The following DPF2 variants were observed in gnomAD, a reference collection of about 807,000 sequenced individuals.
DPF2 encodes the protein double PHD fingers 2.
Under a neutral mutation model 59.6 loss-of-function variants are expected in DPF2, and 10 were observed. That is an observed-to-expected ratio of 0.17 (90% CI 0.10 to 0.28). The LOEUF (loss-of-function observed/expected upper bound fraction) is 0.28, where lower values mean the gene tolerates loss of function less well. Ranked by LOEUF, DPF2 falls within the 10% of genes least tolerant of loss-of-function variation. The pLI is 1.00. For missense variants in DPF2, 315 were observed against 509.4 expected, an observed-to-expected ratio of 0.62 and a Z score of 3.67; for synonymous variants, 189 against 190.6, an observed-to-expected ratio of 0.99 and a Z score of 0.07.
At chr11:65,344,230 G>C in intron 6 of DPF2, 161 bp downstream of exon 6, 1 of 718,484 alleles carries the variant, frequency 1.4e-6, no homozygotes, top group Non-Finnish European at 2.4e-6. Flanking sequence ...TGGGAGGCCT[G>C]GGTCCCTGCT....
chr11:65,334,208 C>T (rs1213379200), intron 1 of DPF2, among the ~76,000 whole-genome samples: 1 of 152,220 alleles, frequency 6.6e-6, no homozygotes, highest in African/African-American at 2.4e-5. Context: ...TGGCGCCCTG[C>T]CTGCACGCGA....
intron 1 of DPF2, among the ~76,000 whole-genome samples, chr11:65,334,627 G>A (rs139908268): frequency 2.0e-4 from 31 of 152,314 alleles, no homozygotes; most frequent in Non-Finnish European, 3.7e-4. Context: ...CGATACCATT[G>A]TGCTGGTCAG....
At chr11:65,349,916 T>C (rs977779070) in intron 10 of DPF2, among the ~76,000 whole-genome samples, 2 of 152,098 alleles carry the variant, frequency 1.3e-5, no homozygotes, top group Admixed American at 6.6e-5. Context: ...AAGTGTTTCA[T>C]TGTGTGATGT....
chr11:65,352,008 T>C lies in DPF2; in HGVS notation c.*249T>C. 1.8e-6 allele frequency: 1 copy of C among 548,268 alleles called. No homozygotes were observed. 34.0% of individuals were successfully genotyped at this position (548,268 alleles called of 1,614,324 possible). On this transcript the variant is annotated 3_prime_UTR_variant, in exon 11 of 11. Transcript: ENST00000528416. Reference sequence around the variant, plus strand: ...TGCGTGTGGCCCAGTTTCTCTCTGCTCTCCATTAAGTGCATTCACTCTGCT... The same window carrying C: ...TGCGTGTGGCCCAGTTTCTCTCTGCCCTCCATTAAGTGCATTCACTCTGCT...
intron 10 of DPF2, 46 bp from the exon 11 acceptor site, chr11:65,351,636 TG>T: frequency 6.5e-7 from 1 of 1,541,508 alleles, no homozygotes; most frequent in Non-Finnish European, 9.0e-7. Context: ...TGCAAGCAGG[TG>T]GGGATTGTGT....
In DPF2 at chr11:65,351,758, G is replaced by C; in HGVS notation, c.1175G>C (p.Ter392SerextTer11). The C allele has an allele frequency of 2.5e-6, 4 of 1,612,896 alleles. No homozygotes were observed. Among genetic ancestry groups the C allele is most frequent in the Non-Finnish European group, 3.4e-6 (4 of 1,180,022 alleles). Residue 392 changes from the stop codon to serine, a stop_lost, in exon 11 of 11, where the codon TGA (stop) becomes TCA (serine). Coordinates refer to ENST00000528416, the MANE Select transcript of DPF2 (RefSeq NM_006268.5). ...ASIYQNQNSS[*>S] is the part of the protein sequence containing the mutation. Reference sequence around the variant, plus strand: ...ATCTACCAGAACCAGAACTCCTCTTGATGTGGCCACCCACCTGCTCCCCGA... The same window carrying C: ...ATCTACCAGAACCAGAACTCCTCTTCATGTGGCCACCCACCTGCTCCCCGA...
chr11:65,350,287 T>C (rs1456607010), intron 10 of DPF2, among the ~76,000 whole-genome samples: 1 of 152,080 alleles, frequency 6.6e-6, no homozygotes, highest in Non-Finnish European at 1.5e-5. Flanking sequence ...AGCTAAAACC[T>C]ATGGACCACA....
At chr11:65,336,658 G>A (rs967795421) in intron 1 of DPF2, among the ~76,000 whole-genome samples, 1 of 151,154 alleles carries the variant, frequency 6.6e-6, no homozygotes, top group Non-Finnish European at 1.5e-5. Flanking sequence ...GCATGGTGGC[G>A]TGTGTCTGTA....
rs758588913 is a variant in DPF2, at chr11:65,340,413, A to G, written c.61A>G (p.Met21Val). ...TGGGGAGCAGTACTACAAAGATGCCATGGAGCAGTGCCACAATTACAATGC... is the reference window on the plus strand; with the variant it reads ...TGGGGAGCAGTACTACAAAGATGCCGTGGAGCAGTGCCACAATTACAATGC... ...LLGEQYYKDA[M>V]EQCHNYNARL... Residue 21 changes from methionine (M) to valine (V), a missense_variant, in exon 2 of 11, where the codon ATG becomes GTG. Met to Val is a conservative substitution (Grantham distance 21). Coordinates refer to ENST00000528416, the MANE Select transcript of DPF2 (RefSeq NM_006268.5). 6.2e-7 allele frequency: 1 copy of G among 1,614,112 alleles called. No individual in the cohort carries two copies. The highest frequency in any genetic ancestry group is 1.3e-5 in the African/African-American group (1 of 74,942).
intron 1 of DPF2, among the ~76,000 whole-genome samples, chr11:65,337,502 T>TAGAGAGAGAG (rs1371740234): frequency 3.6e-4 from 12 of 33,104 alleles, no homozygotes; most frequent in Non-Finnish European, 5.7e-4. Flanking sequence ...TATATATATA[T>TAGAGAGAGAG]ATAGAGAGAG....
At chr11:65,336,930 A>G (rs1854172076) in intron 1 of DPF2, among the ~76,000 whole-genome samples, 1 of 151,666 alleles carries the variant, frequency 6.6e-6, no homozygotes, top group Admixed American at 6.6e-5. Context: ...TCTAGTAAAA[A>G]TACAAAAATT....
chr11:65,335,774 A>G (rs1950086905), intron 1 of DPF2, among the ~76,000 whole-genome samples: 1 of 151,968 alleles, frequency 6.6e-6, no homozygotes, highest in African/African-American at 2.4e-5. Context: ...GATGTTATAC[A>G]TTGAGTACAT....
intron 9 of DPF2, 42 bp from the exon 10 acceptor site, chr11:65,348,808 C>G (rs376807610): frequency 1.2e-6 from 2 of 1,602,180 alleles, no homozygotes; most frequent in Non-Finnish European, 1.7e-6. Flanking sequence ...TGAGGCACAT[C>G]AGTTATTCAG....
chr11:65,345,955 C>T lies in DPF2; in HGVS notation c.801C>T (p.Ala267=), dbSNP rs924546294. The change falls in exon 8 of 11, where the codon GCC becomes GCT. Residue 267 remains alanine (A), a synonymous_variant. Transcript: ENST00000528416. The part of the protein sequence containing the change: ...QKSKKGPDGL[A]LPNNYCDFCL... ...CCAAAAAGGGTCCTGATGGATTGGC[C>T]TTGCCCAACAACTACTGTGACTTCT... 3.1e-5 allele frequency: 50 copies of T among 1,614,060 alleles called. No individual in the cohort carries two copies. The highest frequency in any genetic ancestry group is 4.1e-5 in the Non-Finnish European group (48 of 1,180,042).
intron 1 of DPF2, among the ~76,000 whole-genome samples, chr11:65,337,956 C>T (rs1229909506): frequency 6.6e-6 from 1 of 152,086 alleles, no homozygotes; most frequent in African/African-American, 2.4e-5. Flanking sequence ...GGTCATGTAC[C>T]ACCACGCCCG....
intron 10 of DPF2, among the ~76,000 whole-genome samples, chr11:65,349,561 C>T (rs767603055): frequency 6.6e-6 from 1 of 151,978 alleles, no homozygotes; most frequent in East Asian, 1.9e-4. Flanking sequence ...TTTGGGAGGC[C>T]GAGGTGGGCG....
Position 65,352,061 on chromosome 11 carries a change from C to T in DPF2, c.*302C>T. The T allele has an allele frequency of 2.4e-6, 1 of 415,292 alleles. No homozygotes were observed. The highest frequency in any genetic ancestry group is 4.4e-6 in the Non-Finnish European group (1 of 225,024). The allele number at this position is 415,292 out of a possible 1,614,324, so 25.7% of individuals were successfully genotyped here. On this transcript the variant is annotated 3_prime_UTR_variant, in exon 11 of 11. Transcript: ENST00000528416. ...CCTTGGGCCCAGCCCCTGGTGATCA[C>T]AGGGTTCAAACAGTGTCCTCCTAGA...
At chr11:65,335,491 A>G (rs1484611308) in intron 1 of DPF2, among the ~76,000 whole-genome samples, 2 of 152,230 alleles carry the variant, frequency 1.3e-5, no homozygotes, top group African/African-American at 4.8e-5. Flanking sequence ...AAGTTGTGTC[A>G]TAAGTGAGGG....
intron 3 of DPF2, 73 bp downstream of exon 3, chr11:65,341,146 C>T (rs1473361663): frequency 1.3e-6 from 2 of 1,495,556 alleles, no homozygotes; most frequent in Non-Finnish European, 1.9e-6. Flanking sequence ...TGTGATATAC[C>T]AGGCCCAGTA....
Sources: gnomAD v4.1 joint callset for allele counts (sites outside exome capture counted in the v4.1 genomes callset) on GRCh38, gnomAD v4.1.1 for gene constraint, MANE v1.5 for transcripts, NCBI Gene and HGNC (gene_info 2026-07-23, HGNC 2026-07-21) for gene names.